The following PSG4 variants were observed in gnomAD, a reference collection of about 807,000 sequenced individuals.
PSG4 encodes pregnancy-specific beta-1-glycoprotein 4.
Under a neutral mutation model 44.3 loss-of-function variants are expected in PSG4, and 61 were observed. The ratio of observed to expected loss-of-function variants is 1.38; its 90% CI spans 1.12 to 1.70. The LOEUF is 1.70. Ranked by LOEUF, PSG4 falls within the 40% of genes most tolerant of loss-of-function variation. The pLI is 0.00. For synonymous variants in PSG4, 248 were observed against 191.3 expected (o/e 1.30, Z -2.45); for missense variants, 677 against 511.7 (o/e 1.32, Z -3.12).
At position 43,193,132 on chromosome 19, in the gene PSG4, GAA is replaced by G. The variant is rs1967084377; in HGVS notation, c.*238_*239del. On this transcript the variant is annotated 3_prime_UTR_variant, in exon 6 of 6. Coordinates refer to ENST00000405312, the MANE Select transcript of PSG4 (RefSeq NM_002780.5). Reference sequence around the variant, plus strand: ...GGGGAGTCTTGTTCTGACATCTTTGGAAAAACTGTCCACAGTGTGAAGTCATC... The same window carrying G: ...GGGGAGTCTTGTTCTGACATCTTTGGAAACTGTCCACAGTGTGAAGTCATC... 1.5e-6 allele frequency: 1 copy of G among 667,038 alleles called. No individual in the cohort carries two copies. Among genetic ancestry groups the G allele is most frequent in the East Asian group, 2.7e-5 (1 of 37,164 alleles). The allele number at this position is 667,038 out of a possible 1,614,324, so 41.3% of individuals were successfully genotyped here. A position where few individuals can be genotyped will look rare whatever the true frequency, so the allele number is the denominator to read the frequency against.
chr19:43,199,136 TG>T (rs1353347446), intron 2 of PSG4, among the ~76,000 whole-genome samples: 1 of 146,268 alleles, frequency 6.8e-6, no homozygotes, highest in Non-Finnish European at 1.5e-5. Context: ...GATGGAAGTC[TG>T]GCCCTCATGG....
At position 43,193,210 on chromosome 19, in the gene PSG4, C is replaced by T. The variant is rs1599763099; in HGVS notation, c.*162G>A. On this transcript the variant is annotated 3_prime_UTR_variant, in exon 6 of 6. Coordinates refer to ENST00000405312, the MANE Select transcript of PSG4 (RefSeq NM_002780.5). Reference sequence around the variant, plus strand: ...GAGTAGCTGTTGTTATGGTGTCGAACATTTTGGTGAGTTCTGAGTGGCTCA... The same window carrying T: ...GAGTAGCTGTTGTTATGGTGTCGAATATTTTGGTGAGTTCTGAGTGGCTCA... 7 of 761,770 alleles carry T rather than the reference C, an allele frequency of 9.2e-6. No homozygotes were observed. In the East Asian group the frequency reaches 1.2e-4, roughly 13 times the overall value. The allele number at this position is 761,770 out of a possible 1,614,324, so 47.2% of individuals were successfully genotyped here.
intron 2 of PSG4, among the ~76,000 whole-genome samples, chr19:43,199,346 T>G (rs1193152966): frequency 2.1e-5 from 3 of 145,514 alleles, no homozygotes; most frequent in South Asian, 2.2e-4. Flanking sequence ...TGTTCCATGG[T>G]TGTGCATTTT....
At chr19:43,200,241 C>A (rs1967441970) in intron 2 of PSG4, among the ~76,000 whole-genome samples, 1 of 144,728 alleles carries the variant, frequency 6.9e-6, no homozygotes, top group African/African-American at 2.7e-5. Flanking sequence ...ATGGCATCAT[C>A]ATGAGGAAAC....
Position 43,194,393 on chromosome 19 carries a change from C to T in PSG4, c.1190G>A (p.Arg397His), listed in dbSNP as rs370537366. The change falls in exon 5 of 6, where the codon CGT (arginine) becomes CAT (histidine). Residue 397 changes from arginine (R) to histidine (H), a missense_variant. By Grantham distance (29) the Arg-to-His change is conservative. Transcript: ENST00000405312. ...GCTTTCCTTGCCAGTGGCTGAGTTA[C>T]GAACAGAGCAAGCATAGAGCCCACT... is the stretch of plus-strand genomic sequence containing the variant. ...KHSGLYACSV[R>H]NSATGKESSK... The T allele has an allele frequency of 5.6e-5, 90 of 1,612,384 alleles. 1 individual carries two copies. The highest frequency in any genetic ancestry group is 3.6e-4 in the South Asian group (33 of 91,032).
chr19:43,198,559 C>G, intron 2 of PSG4: 2 of 457,892 alleles, frequency 4.4e-6, no homozygotes, highest in African/African-American at 2.2e-5. Context: ...CCCGATGCCT[C>G]TCTGAGTTCC....
At chr19:43,204,785 G>A (rs990091160) in intron 1 of PSG4, 5 of 404,034 alleles carry the variant, frequency 1.2e-5, no homozygotes, top group African/African-American at 2.8e-5. Flanking sequence ...GCAGACTCCT[G>A]TAGATGTGAG....
At chr19:43,201,483 T>C (rs1031421733) in intron 2 of PSG4, among the ~76,000 whole-genome samples, 3 of 145,438 alleles carry the variant, frequency 2.1e-5, no homozygotes, top group Non-Finnish European at 4.5e-5. Context: ...ACTGGTCTTT[T>C]GAGATGTTTC....
At chr19:43,201,129 T>G (rs1967491483) in intron 2 of PSG4, among the ~76,000 whole-genome samples, 1 of 145,696 alleles carries the variant, frequency 6.9e-6, no homozygotes, top group Admixed American at 6.8e-5. Context: ...GACAGCAAAC[T>G]AGCATGTCTG....
intron 2 of PSG4, chr19:43,198,477 C>T (rs1017604683): frequency 5.0e-6 from 5 of 1,000,500 alleles, no homozygotes; most frequent in East Asian, 4.1e-5. Flanking sequence ...GTGGGAGAAG[C>T]ACAGACTTTC....
At chr19:43,204,467 T>C in intron 1 of PSG4, 2 of 695,934 alleles carry the variant, frequency 2.9e-6, no homozygotes, top group Non-Finnish European at 4.3e-6. Context: ...CTTCAACACT[T>C]CTGACCTTGG....
chr19:43,199,353 T>G (rs866064999), intron 2 of PSG4, among the ~76,000 whole-genome samples: 3 of 145,538 alleles, frequency 2.1e-5, no homozygotes, highest in East Asian at 2.4e-4. Flanking sequence ...TGGTTGTGCA[T>G]TTTCAGTTAT....
rs1599785861 is a variant in PSG4, at chr19:43,205,344, T to A, written c.64+129A>T. 1.2e-5 allele frequency: 14 copies of A among 1,163,746 alleles called. 1 individual carries two copies. The highest frequency in any genetic ancestry group is 4.4e-5 in the Admixed American group (2 of 45,838). The allele number at this position is 1,163,746 out of a possible 1,614,324, so 72.1% of individuals were successfully genotyped here. A position where few individuals can be genotyped will look rare whatever the true frequency, so the allele number is the denominator to read the frequency against. ...GACTGATCTTGAACTCCTGATCTCC[T>A]GATCCACCCAACTCAGCCTCCCAAA... On this transcript the variant is annotated intron_variant, in intron 1 of 5. Coordinates refer to ENST00000405312, the MANE Select transcript of PSG4 (RefSeq NM_002780.5).
rs1297673864 is a variant in PSG4 at position 43,194,472 on chromosome 19, T to A, written c.1111A>T (p.Lys371Ter). The A allele has an allele frequency of 2.5e-6, 4 of 1,612,446 alleles. No homozygotes were observed. The East Asian group carries it at 8.9e-5, about 36-fold the overall frequency. Residue 371 changes from lysine (K) to a stop codon, truncating the protein, a stop_gained, in exon 5 of 6, where the codon AAG (lysine) becomes TAG (stop). Coordinates refer to ENST00000405312, the MANE Select transcript of PSG4 (RefSeq NM_002780.5). LOFTEE classifies it high-confidence loss of function. ...AGCTTTTGTCCTGATAGCTGAAACT[T>A]CCCATTAATTGTCCAAGAATATTGT... ...RAQYSWTING[K>*]FQLSGQKLSI...
Position 43,199,951 on chromosome 19 carries a change from G to A in PSG4, c.431-1676C>T, listed in dbSNP as rs1447051122. 4.8e-5 allele frequency among the ~76,000 whole-genome samples: 7 copies of A among 144,938 alleles called. 1 individual carries two copies. Among genetic ancestry groups the A allele is most frequent in the Non-Finnish European group, 1.0e-4 (7 of 67,142 alleles). On this transcript the variant is annotated intron_variant, in intron 2 of 5. Coordinates refer to ENST00000405312, the MANE Select transcript of PSG4 (RefSeq NM_002780.5). ...AGAGTCCCATTAAAAGGACAGAACT[G>A]GTCAGTGCGTCAATTACATAAAGGG...
In PSG4 at chr19:43,194,364, T is replaced by G; in HGVS notation, c.1219A>C (p.Lys407Gln). The G allele has an allele frequency of 6.2e-7, 1 of 1,612,430 alleles. No homozygotes were observed. The highest frequency in any genetic ancestry group is 8.5e-7 in the Non-Finnish European group (1 of 1,179,102). Residue 407 changes from lysine (K) to glutamine (Q), a missense_variant, in exon 5 of 6, where the codon AAA (lysine) becomes CAA (glutamine). Physicochemically the swap from Lys to Gln is moderately conservative, Grantham distance 53. Coordinates refer to ENST00000405312, the MANE Select transcript of PSG4 (RefSeq NM_002780.5). ...RNSATGKESS[K>Q]SITVKVSDWI... ...CCAGAGACTTTGACTGTGATGGATT[T>G]GGAGCTTTCCTTGCCAGTGGCTGAG...
chr19:43,195,276 G>A lies in PSG4; in HGVS notation c.710-3C>T, dbSNP rs1967192490. ...GATGTAGGGCTTGGACAGCTTTGCTGTGTGGATAACAGAGAGAAGATTGTC... is the reference window on the plus strand; with the variant it reads ...GATGTAGGGCTTGGACAGCTTTGCTATGTGGATAACAGAGAGAAGATTGTC... On this transcript the variant is annotated splice_region_variant and splice_polypyrimidine_tract_variant and intron_variant, in intron 3 of 5. Coordinates refer to ENST00000405312, the MANE Select transcript of PSG4 (RefSeq NM_002780.5). 2 of 1,610,028 alleles carry A rather than the reference G, an allele frequency of 1.2e-6. No individual in the cohort carries two copies. The highest frequency in any genetic ancestry group is 1.3e-5 in the African/African-American group (1 of 74,554).
At position 43,205,396 on chromosome 19, in the gene PSG4, C is replaced by T. The variant is rs1967737908; in HGVS notation, c.64+77G>A. On this transcript the variant is annotated intron_variant, in intron 1 of 5. Transcript: ENST00000405312. ...TGCTGGCTTCTTTCATTTTTCAGAACCCCATCCTCTCCAGGAGACCCCATC... is the reference window on the plus strand; with the variant it reads ...TGCTGGCTTCTTTCATTTTTCAGAATCCCATCCTCTCCAGGAGACCCCATC... The T allele has an allele frequency of 9.1e-6, 13 of 1,429,294 alleles. No individual in the cohort carries two copies. The Admixed American group carries it at 9.1e-5, about 10-fold the overall frequency. The allele number at this position is 1,429,294 out of a possible 1,614,324, so 88.5% of individuals were successfully genotyped here. A position where few individuals can be genotyped will look rare whatever the true frequency, so the allele number is the denominator to read the frequency against.
At chr19:43,198,779 C>T (rs1297281827) in intron 2 of PSG4, 1 of 157,400 alleles carries the variant, frequency 6.4e-6, no homozygotes, top group Non-Finnish European at 1.4e-5. Flanking sequence ...GGACTGGGTA[C>T]TTCAGCATAA....
Sources: gnomAD v4.1 joint callset for allele counts (sites outside exome capture counted in the v4.1 genomes callset) on GRCh38, gnomAD v4.1.1 for gene constraint, MANE v1.5 for transcripts, NCBI Gene and HGNC (gene_info 2026-07-23, HGNC 2026-07-21) for gene names.